The following SHTN1 variants were observed in gnomAD, a reference collection of about 807,000 sequenced individuals.
SHTN1 encodes shootin 1, also known as shootin-1.
In SHTN1, 42 loss-of-function variants were observed where a neutral mutation model predicts 83.1. The observed-to-expected ratio is 0.51, with a 90% CI of 0.39 to 0.65. The LOEUF (loss-of-function observed/expected upper bound fraction) is 0.65. Among genes scored for constraint, SHTN1 ranks in the 30% least tolerant of loss-of-function variants. The pLI, the probability that SHTN1 is intolerant of heterozygous loss-of-function variation, is 0.00. For missense variants in SHTN1, 622 were observed against 737.8 expected (o/e 0.84, Z 1.82); for synonymous variants, 224 against 247.7 (o/e 0.90, Z 0.90).
At chr10:116,981,876 G>A (rs1001212094) in intron 1 of SHTN1, among the ~76,000 whole-genome samples, 1 of 152,082 alleles carries the variant, frequency 6.6e-6, no homozygotes, top group Non-Finnish European at 1.5e-5. Context: ...GACCAACATG[G>A]TGAAACACCG....
chr10:117,039,860 A>G (rs891778892), intron 2 of SHTN1, among the ~76,000 whole-genome samples: 1 of 151,886 alleles, frequency 6.6e-6, no homozygotes, highest in Non-Finnish European at 1.5e-5. Context: ...CAAAAAAAAA[A>G]AAAAAGAAAG....
chr10:116,964,800 T>C lies in SHTN1; in HGVS notation c.172+3852A>G, dbSNP rs1385144025. 3.3e-5 allele frequency among the ~76,000 whole-genome samples: 5 copies of C among 152,178 alleles called. No individual in the cohort carries two copies. The East Asian group carries it at 9.7e-4, about 29-fold the overall frequency. ...GAGTTCGAGACCAGCCCGGCCAACA[T>C]GGTGAAACCCTGTCTATACTAAAAA... On this transcript the variant is annotated intron_variant, in intron 3 of 16. Transcript: ENST00000355371.
chr10:117,028,806 T>C lies in SHTN1; in HGVS notation c.-123+19639A>G, dbSNP rs557941138. On this transcript the variant is annotated intron_variant, in intron 2 of 17. Transcript: ENST00000392901. ...GAGGATGCAGGAAAAAGCCTGGGTA[T>C]CTAAGCAGAAGCCTGCTGCAGGGGT... Among the ~76,000 whole-genome samples the C allele has an allele frequency of 2.0e-5, 3 of 152,258 alleles. No individual in the cohort carries two copies. In the South Asian group the frequency reaches 6.2e-4, roughly 32 times the overall value.
chr10:117,072,325 G>C (rs1853093436), intron 1 of SHTN1, among the ~76,000 whole-genome samples: 2 of 152,168 alleles, frequency 1.3e-5, no homozygotes, highest in South Asian at 4.1e-4. Context: ...AAGAGGACTA[G>C]ATTGCAGCTC....
chr10:117,039,710 G>A (rs897994666), intron 2 of SHTN1, among the ~76,000 whole-genome samples: 65 of 151,920 alleles, frequency 4.3e-4, no homozygotes, highest in African/African-American at 1.4e-3. Context: ...AAAATTAGCC[G>A]GGCGTGGTGG....
chr10:116,958,018 T>A (rs1348400160), intron 4 of SHTN1, among the ~76,000 whole-genome samples: 1 of 152,222 alleles, frequency 6.6e-6, no homozygotes, highest in Non-Finnish European at 1.5e-5. Flanking sequence ...CAAGATGGCA[T>A]CACGGCACTC....
At chr10:116,979,196 A>C in intron 2 of SHTN1, 60 bp downstream of exon 2, 1 of 1,387,618 alleles carries the variant, frequency 7.2e-7, no homozygotes. Flanking sequence ...TGAACAATGC[A>C]CTATGCCGCC....
intron 4 of SHTN1, among the ~76,000 whole-genome samples, chr10:116,959,140 G>A (rs111717674): frequency 1.7e-4 from 26 of 152,226 alleles, no homozygotes; most frequent in African/African-American, 5.1e-4. Flanking sequence ...GGAATGTGCC[G>A]CAGAGTAAAA....
chr10:117,109,552 A>C (rs1321255865), intron 1 of SHTN1, among the ~76,000 whole-genome samples: 1 of 16,558 alleles, frequency 6.0e-5, no homozygotes, highest in African/African-American at 2.4e-4. Flanking sequence ...AACATATATT[A>C]CTTTTTTTTT....
intron 1 of SHTN1, among the ~76,000 whole-genome samples, chr10:117,107,664 G>C (rs1409883310): frequency 6.6e-6 from 1 of 152,166 alleles, no homozygotes; most frequent in Non-Finnish European, 1.5e-5. Flanking sequence ...AGCAGTGACA[G>C]AGGCCAAACT....
At chr10:117,065,359 G>A (rs1852961349) in intron 1 of SHTN1, among the ~76,000 whole-genome samples, 1 of 152,052 alleles carries the variant, frequency 6.6e-6, no homozygotes, top group Non-Finnish European at 1.5e-5. Context: ...TTAATGGAGA[G>A]CATCCATCAA....
rs571100097 is a variant in SHTN1 at position 117,105,033 on chromosome 10, C to T, written c.-189+21274G>A. Among the ~76,000 whole-genome samples the T allele has an allele frequency of 5.3e-5, 8 of 152,038 alleles. No homozygotes were observed. In the East Asian group the frequency reaches 1.2e-3, roughly 22 times the overall value. Reference sequence around the variant, plus strand: ...CTTACCTCAAATGCGTACTCCTCCACGAAACCAACACTCCACAACCTTCAC... The same window carrying T: ...CTTACCTCAAATGCGTACTCCTCCATGAAACCAACACTCCACAACCTTCAC... On this transcript the variant is annotated intron_variant, in intron 1 of 17. Transcript: ENST00000392901.
chr10:117,049,195 A>G (rs949957901), intron 1 of SHTN1, among the ~76,000 whole-genome samples: 29 of 152,306 alleles, frequency 1.9e-4, no homozygotes, highest in African/African-American at 6.3e-4. Flanking sequence ...GTCAGGGATG[A>G]TCTTCAAAAC....
rs929190709 is a variant in SHTN1 at position 116,921,768 on chromosome 10, C to A, written c.1113-252G>T. On this transcript the variant is annotated intron_variant, in intron 11 of 16. Transcript: ENST00000355371. The stretch of plus-strand genomic sequence containing the variant: ...TAATAATAAAATGCATACACACTTA[C>A]AAAGGAAAAGAGACAAAAAATTTCA... 5.3e-5 allele frequency among the ~76,000 whole-genome samples: 8 copies of A among 151,804 alleles called. No homozygotes were observed. The East Asian group carries it at 1.4e-3, about 26-fold the overall frequency.
intron 4 of SHTN1, 96 bp from the exon 5 acceptor site, chr10:116,954,306 A>T (rs1290237513): frequency 1.3e-6 from 1 of 741,374 alleles, no homozygotes; most frequent in African/African-American, 1.8e-5. Context: ...TTTGTCTTAC[A>T]TATTCATCAA....
chr10:117,092,774 C>T (rs1331021984), intron 1 of SHTN1, among the ~76,000 whole-genome samples: 3 of 151,974 alleles, frequency 2.0e-5, no homozygotes, highest in Non-Finnish European at 2.9e-5. Context: ...TTTAGAGAAC[C>T]GAATTTTAGA....
intron 1 of SHTN1, among the ~76,000 whole-genome samples, chr10:117,096,196 G>T (rs2133624289): frequency 6.6e-6 from 1 of 152,260 alleles, no homozygotes; most frequent in South Asian, 2.1e-4. Context: ...TAACGATTTG[G>T]TTATTGTGCT....
intron 1 of SHTN1, among the ~76,000 whole-genome samples, chr10:117,072,708 G>A (rs899391782): frequency 6.6e-6 from 1 of 152,106 alleles, no homozygotes; most frequent in Non-Finnish European, 1.5e-5. Context: ...AAAGGAATCT[G>A]AAAAACAGCC....
chr10:117,091,306 A>G (rs1853427264), intron 1 of SHTN1, among the ~76,000 whole-genome samples: 1 of 152,230 alleles, frequency 6.6e-6, no homozygotes, highest in Non-Finnish European at 1.5e-5. Context: ...TGAGGTAAAT[A>G]GTATTACTAT....
Sources: allele counts gnomAD v4.1 joint callset (sites outside exome capture counted in the v4.1 genomes callset), GRCh38; gene constraint gnomAD v4.1.1; transcripts MANE v1.5; gene names NCBI Gene and HGNC (gene_info 2026-07-23, HGNC 2026-07-21).